CSMD1: variants seen among roughly 807,000 people sequenced by gnomAD.
The protein encoded by CSMD1 is CUB and Sushi multiple domains 1.
Under a neutral mutation model 417.5 loss-of-function variants are expected in CSMD1, and 213 were observed. The observed-to-expected ratio is 0.51, with a 90% CI of 0.46 to 0.57. CSMD1 has a LOEUF of 0.57. Ranked by LOEUF, CSMD1 falls within the 20% of genes least tolerant of loss-of-function variation. The pLI is 0.00. For missense variants in CSMD1, 6,923 were observed against 4,529.7 expected (o/e 1.53, Z -15.17); for synonymous variants, 2,862 against 1,736.8 (o/e 1.65, Z -16.11).
In CSMD1 at chr8:3,696,412, C is replaced by G. The variant is rs558062653; in HGVS notation, c.1009+12002G>C. On this transcript the variant is annotated intron_variant, in intron 7 of 69. Transcript: ENST00000635120. Reference sequence around the variant, plus strand: ...ATATCTTCAAACGTGACTTAGTTTTCTTCTCTGACATAAGCTACCATGGAC... The same window carrying G: ...ATATCTTCAAACGTGACTTAGTTTTGTTCTCTGACATAAGCTACCATGGAC... 1.1e-4 allele frequency among the ~76,000 whole-genome samples: 16 copies of G among 152,318 alleles called. No individual in the cohort carries two copies. In the East Asian group the frequency reaches 3.1e-3, roughly 29 times the overall value.
chr8:4,968,736 G>C (rs1810043329), intron 1 of CSMD1, among the ~76,000 whole-genome samples: 2 of 152,030 alleles, frequency 1.3e-5, no homozygotes, highest in South Asian at 4.1e-4. Flanking sequence ...TGCTGGTTTA[G>C]TTAACAGACC....
chr8:4,595,048 C>A (rs1457233027), intron 2 of CSMD1, among the ~76,000 whole-genome samples: 1 of 152,208 alleles, frequency 6.6e-6, no homozygotes, highest in African/African-American at 2.4e-5. Flanking sequence ...CACTAACAAA[C>A]CTTAGAGGTG....
At chr8:4,033,749 G>A (rs531119168) in intron 3 of CSMD1, among the ~76,000 whole-genome samples, 4 of 152,208 alleles carry the variant, frequency 2.6e-5, no homozygotes, top group African/African-American at 9.6e-5. Flanking sequence ...ATGGGGTATT[G>A]ATTCTGTTCT....
At chr8:4,728,180 C>T (rs1809596807) in intron 1 of CSMD1, among the ~76,000 whole-genome samples, 2 of 146,706 alleles carry the variant, frequency 1.4e-5, no homozygotes, top group Admixed American at 6.9e-5. Flanking sequence ...ATTTATTTGG[C>T]ATTTATATAT....
chr8:4,779,858 G>A (rs1797063289), intron 1 of CSMD1, among the ~76,000 whole-genome samples: 3 of 152,128 alleles, frequency 2.0e-5, no homozygotes, highest in African/African-American at 7.2e-5. Flanking sequence ...AACAGCAGCA[G>A]CAACTGCTCC....
At chr8:4,678,817 G>T (rs1321399063) in intron 1 of CSMD1, among the ~76,000 whole-genome samples, 1 of 152,170 alleles carries the variant, frequency 6.6e-6, no homozygotes, top group Middle Eastern at 3.2e-3. Context: ...TGTAGCAAGG[G>T]TGTGGTTTTT....
In CSMD1 at chr8:4,177,238, C is replaced by T. The variant is rs575384114; in HGVS notation, c.416-145139G>A. 4.6e-5 allele frequency among the ~76,000 whole-genome samples: 7 copies of T among 152,282 alleles called. No homozygotes were observed. In the East Asian group the frequency reaches 1.2e-3, roughly 25 times the overall value. On this transcript the variant is annotated intron_variant, in intron 3 of 69. Coordinates refer to ENST00000635120, the MANE Select transcript of CSMD1 (RefSeq NM_033225.6). ...AAATTATAACAAACTGTCTCTCACA[C>T]CACAGTGCAATCAAGCTAGAACTCA...
intron 52 of CSMD1, among the ~76,000 whole-genome samples, chr8:3,008,416 C>T (rs13277378): frequency 0.17 from 26,489 of 152,244 alleles, 2,737 homozygotes; most frequent in Non-Finnish European, 0.23. Context: ...TTATAGAATT[C>T]AACACGGGAG....
At chr8:4,313,023 A>T (rs994737412) in intron 3 of CSMD1, among the ~76,000 whole-genome samples, 12 of 152,158 alleles carry the variant, frequency 7.9e-5, no homozygotes, top group African/African-American at 2.9e-4. Context: ...TTAGAGAATG[A>T]TTCACATAAA....
chr8:4,157,032 G>C (rs188180423), intron 3 of CSMD1, among the ~76,000 whole-genome samples: 12 of 152,266 alleles, frequency 7.9e-5, no homozygotes, highest in African/African-American at 2.6e-4. Flanking sequence ...TGAGGGGCAT[G>C]TTATGCACAC....
chr8:3,660,896 T>A (rs1798382876), intron 7 of CSMD1, among the ~76,000 whole-genome samples: 1 of 152,188 alleles, frequency 6.6e-6, no homozygotes. Context: ...ATTTTTTGTA[T>A]ACACAGCTGC....
At chr8:3,729,557 G>C (rs1196603977) in intron 6 of CSMD1, among the ~76,000 whole-genome samples, 1 of 152,176 alleles carries the variant, frequency 6.6e-6, no homozygotes, top group Admixed American at 6.5e-5. Flanking sequence ...ACAATGTCCA[G>C]AAGGTATCGG....
At chr8:3,754,987 T>A (rs1176743454) in intron 5 of CSMD1, among the ~76,000 whole-genome samples, 2 of 152,212 alleles carry the variant, frequency 1.3e-5, no homozygotes, top group Admixed American at 6.5e-5. Flanking sequence ...AAAAATAAGA[T>A]GCAATCAATT....
intron 26 of CSMD1, among the ~76,000 whole-genome samples, chr8:3,241,016 G>A (rs1479853254): frequency 6.7e-6 from 1 of 150,098 alleles, no homozygotes; most frequent in Admixed American, 6.7e-5. Context: ...AGGGGTGCAT[G>A]ATCGGTCACC....
rs572876893 is a variant in CSMD1 at position 4,826,822 on chromosome 8, G to C, written c.85+167510C>G. Among the ~76,000 whole-genome samples, 5 of 152,138 alleles carry C rather than the reference G, an allele frequency of 3.3e-5. No homozygotes were observed. In the South Asian group the frequency reaches 1.0e-3, roughly 32 times the overall value. ...TTAATGTACTTTTACCAAATCTTAC[G>C]ACTCTATAACATTTATGTTATTAGT... On this transcript the variant is annotated intron_variant, in intron 1 of 69. Coordinates refer to ENST00000635120, the MANE Select transcript of CSMD1 (RefSeq NM_033225.6).
Position 4,226,050 on chromosome 8 carries a change from G to T in CSMD1, c.415+193903C>A, listed in dbSNP as rs576152377. Among the ~76,000 whole-genome samples, 63 of 146,904 alleles carry T rather than the reference G, an allele frequency of 4.3e-4. No individual in the cohort carries two copies. In the South Asian group the frequency reaches 0.013, roughly 30 times the overall value. ...TTTACCTACTCAAGTAAGCTGGAAG[G>T]TTAGAGCTGACAGGCGGACACACAC... On this transcript the variant is annotated intron_variant, in intron 3 of 69. Coordinates refer to ENST00000635120, the MANE Select transcript of CSMD1 (RefSeq NM_033225.6).
intron 1 of CSMD1, among the ~76,000 whole-genome samples, chr8:4,931,071 G>A (rs1338321639): frequency 2.0e-5 from 3 of 152,082 alleles, no homozygotes; most frequent in East Asian, 1.9e-4. Context: ...GTAATAATTG[G>A]CTTGGAAATT....
At chr8:4,491,542 G>C (rs1293204811) in intron 2 of CSMD1, among the ~76,000 whole-genome samples, 1 of 150,946 alleles carries the variant, frequency 6.6e-6, no homozygotes, top group African/African-American at 2.4e-5. Flanking sequence ...CTGTCTCCTG[G>C]AAAATGATTT....
At chr8:3,497,531 G>C (rs931815045) in intron 10 of CSMD1, among the ~76,000 whole-genome samples, 2 of 151,944 alleles carry the variant, frequency 1.3e-5, no homozygotes, top group Non-Finnish European at 2.9e-5. Flanking sequence ...CACCCTTCTA[G>C]GTATCTGGGA....
Sources: gnomAD v4.1 joint callset for allele counts (sites outside exome capture counted in the v4.1 genomes callset) on GRCh38, gnomAD v4.1.1 for gene constraint, MANE v1.5 for transcripts, NCBI Gene and HGNC (gene_info 2026-07-23, HGNC 2026-07-21) for gene names.